The following SDHAF3 variants were observed in gnomAD, a reference collection of about 807,000 sequenced individuals.
SDHAF3 encodes the protein succinate dehydrogenase assembly factor 3, mitochondrial.
Under a neutral mutation model 11.5 loss-of-function variants are expected in SDHAF3, and 18 were observed. The observed-to-expected ratio is 1.56, with a 90% CI of 1.08 to 2.32. The LOEUF (loss-of-function observed/expected upper bound fraction) is 2.32, where lower values mean the gene tolerates loss of function less well. Among genes scored for constraint, SDHAF3 ranks in the 30% most tolerant of loss-of-function variants. The probability of loss-of-function intolerance (pLI) is 0.00; values close to 1 mark genes in which losing one functional copy is unlikely to be tolerated. For synonymous variants in SDHAF3, 72 were observed against 59.3 expected, an observed-to-expected ratio of 1.21 and a Z score of -0.99; for missense variants, 200 against 154.4, an observed-to-expected ratio of 1.30 and a Z score of -1.57.
chr7:97,169,071 C>G (rs1789561402), intron 1 of SDHAF3, among the ~76,000 whole-genome samples: 1 of 152,274 alleles, frequency 6.6e-6, no homozygotes, highest in African/African-American at 2.4e-5. Context: ...GTGGCTCATG[C>G]CTGTAATCCC....
At chr7:97,173,620 T>C (rs1789638140) in intron 1 of SDHAF3, among the ~76,000 whole-genome samples, 1 of 150,656 alleles carries the variant, frequency 6.6e-6, no homozygotes, top group South Asian at 2.1e-4. Context: ...TGGCGCGATC[T>C]CGGCTTACTG....
At chr7:97,147,769 C>T (rs547067061) in intron 1 of SDHAF3, among the ~76,000 whole-genome samples, 115 of 152,178 alleles carry the variant, frequency 7.6e-4, no homozygotes, top group Non-Finnish European at 1.5e-3. Flanking sequence ...AAATTGTGTA[C>T]GCACCACCAA....
rs796747944 is a variant in SDHAF3, at chr7:97,158,204, C to G, written c.175-22808C>G. 5.9e-5 allele frequency among the ~76,000 whole-genome samples: 9 copies of G among 152,102 alleles called. No homozygotes were observed. The South Asian group carries it at 1.9e-3, about 32-fold the overall frequency. On this transcript the variant is annotated intron_variant, in intron 1 of 1. Transcript: ENST00000432641. ...GGGGGCTAGGTTAATTGAGAGAACA[C>G]TTTTAGCAGGCTAACAGTTACATTT...
At chr7:97,157,322 G>A (rs925470682) in intron 1 of SDHAF3, among the ~76,000 whole-genome samples, 6 of 152,030 alleles carry the variant, frequency 3.9e-5, no homozygotes, top group Non-Finnish European at 7.4e-5. Flanking sequence ...TCTATTTCCT[G>A]ACAAACAAGG....
chr7:97,138,948 T>G (rs1334990260), intron 1 of SDHAF3, among the ~76,000 whole-genome samples: 1 of 152,012 alleles, frequency 6.6e-6, no homozygotes, highest in Non-Finnish European at 1.5e-5. Context: ...GATCCTGTGC[T>G]TGTCACAGGA....
rs185790169 is a variant in SDHAF3, at chr7:97,141,691, T to A, written c.174+23794T>A. 3.3e-5 allele frequency among the ~76,000 whole-genome samples: 5 copies of A among 152,292 alleles called. No individual in the cohort carries two copies. In the East Asian group the frequency reaches 9.7e-4, roughly 29 times the overall value. On this transcript the variant is annotated intron_variant, in intron 1 of 1. Coordinates refer to ENST00000432641, the MANE Select transcript of SDHAF3 (RefSeq NM_020186.3). The stretch of plus-strand genomic sequence containing the variant: ...TGTATTTTTAAGTAGAGATGGGGTT[T>A]CACTGTGTTAGCCAGGATGGTCTCT...
chr7:97,173,258 C>A (rs1219418237), intron 1 of SDHAF3, among the ~76,000 whole-genome samples: 1 of 152,120 alleles, frequency 6.6e-6, no homozygotes, highest in African/African-American at 2.4e-5. Flanking sequence ...TTGAATGTTT[C>A]TAATTTTAAG....
intron 1 of SDHAF3, among the ~76,000 whole-genome samples, chr7:97,129,740 A>G (rs1001839147): frequency 2.6e-5 from 4 of 152,162 alleles, no homozygotes; most frequent in African/African-American, 4.8e-5. Context: ...TGAGCTGGCC[A>G]CTAGTCTCTA....
chr7:97,134,635 T>C (rs747061184), intron 1 of SDHAF3, among the ~76,000 whole-genome samples: 23 of 152,096 alleles, frequency 1.5e-4, no homozygotes, highest in Non-Finnish European at 2.9e-4. Context: ...TTAGTAGATA[T>C]GAGGTTTCAG....
chr7:97,138,741 C>T (rs1293146330), intron 1 of SDHAF3, among the ~76,000 whole-genome samples: 1 of 152,220 alleles, frequency 6.6e-6, no homozygotes, highest in African/African-American at 2.4e-5. Context: ...CAGTGCCTTA[C>T]ACGTAGTAAG....
intron 1 of SDHAF3, among the ~76,000 whole-genome samples, chr7:97,123,838 G>T (rs1791534992): frequency 7.0e-6 from 1 of 142,762 alleles, no homozygotes; most frequent in Admixed American, 7.2e-5. Context: ...CCCACTTTTG[G>T]ATGGGTTTTT....
chr7:97,131,717 T>G (rs148456353), intron 1 of SDHAF3, among the ~76,000 whole-genome samples: 6 of 152,298 alleles, frequency 3.9e-5, no homozygotes, highest in Non-Finnish European at 8.8e-5. Context: ...CACATTAATA[T>G]GAAAAGAACT....
chr7:97,180,017 T>G (rs1052785948), intron 1 of SDHAF3, among the ~76,000 whole-genome samples: 7 of 152,192 alleles, frequency 4.6e-5, no homozygotes, highest in Non-Finnish European at 7.4e-5. Context: ...ACTTTGGCAC[T>G]TTGTCTGCTT....
At position 97,181,315 on chromosome 7, in the gene SDHAF3, A is replaced by G. The variant is rs1789771307; in HGVS notation, c.*100A>G. The G allele has an allele frequency of 8.8e-6, 7 of 793,034 alleles. No homozygotes were observed. The highest frequency in any genetic ancestry group is 1.4e-5 in the Non-Finnish European group (7 of 505,598). The allele number at this position is 793,034 out of a possible 1,614,324, so 49.1% of individuals were successfully genotyped here. A position where few individuals can be genotyped will look rare whatever the true frequency, so the allele number is the denominator to read the frequency against. On this transcript the variant is annotated 3_prime_UTR_variant, in exon 2 of 2. Coordinates refer to ENST00000432641, the MANE Select transcript of SDHAF3 (RefSeq NM_020186.3). Reference sequence around the variant, plus strand: ...TATTTAAGCTTTGAAAACACCTGTTATTAATGAAATACTCTTTTATTTTGG... The same window carrying G: ...TATTTAAGCTTTGAAAACACCTGTTGTTAATGAAATACTCTTTTATTTTGG...
chr7:97,138,245 C>T (rs10953203), intron 1 of SDHAF3, among the ~76,000 whole-genome samples: 36,484 of 151,278 alleles, frequency 0.24, 4,578 homozygotes, highest in East Asian at 0.42. Context: ...CTGCAACGTC[C>T]GCCTCCCACG....
At chr7:97,126,649 C>G (rs1356535657) in intron 1 of SDHAF3, among the ~76,000 whole-genome samples, 1 of 152,102 alleles carries the variant, frequency 6.6e-6, no homozygotes, top group South Asian at 2.1e-4. Flanking sequence ...CCCCTCCCCC[C>G]ACCAAGCTGT....
At chr7:97,148,825 T>C (rs1320042020) in intron 1 of SDHAF3, among the ~76,000 whole-genome samples, 1 of 152,210 alleles carries the variant, frequency 6.6e-6, no homozygotes, top group Non-Finnish European at 1.5e-5. Context: ...AAAATTGTGC[T>C]TCTCAGTGTA....
At chr7:97,141,666 TG>T (rs1789044790) in intron 1 of SDHAF3, among the ~76,000 whole-genome samples, 1 of 152,186 alleles carries the variant, frequency 6.6e-6, no homozygotes, top group Non-Finnish European at 1.5e-5. Flanking sequence ...GCAATTTTTT[TG>T]TATTTTTAAG....
chr7:97,155,127 TAAG>T (rs1281567985), intron 1 of SDHAF3, among the ~76,000 whole-genome samples: 3 of 152,236 alleles, frequency 2.0e-5, no homozygotes, highest in East Asian at 3.8e-4. Flanking sequence ...CATTTTATAA[TAAG>T]CTTGTCTTTA....
Sources: allele counts gnomAD v4.1 joint callset (sites outside exome capture counted in the v4.1 genomes callset), GRCh38; gene constraint gnomAD v4.1.1; transcripts MANE v1.5; gene names NCBI Gene and HGNC (gene_info 2026-07-23, HGNC 2026-07-21).